The following RPL27 variants were observed in gnomAD, a reference collection of about 807,000 sequenced individuals.
RPL27 encodes large ribosomal subunit protein eL27.
For synonymous variants in RPL27, 77 were observed against 61.0 expected (o/e 1.26, Z -1.22); for missense variants, 131 against 174.3 (o/e 0.75, Z 1.40).
intron 3 of RPL27, among the ~76,000 whole-genome samples, chr17:43,000,705 A>G (rs1293261930): frequency 6.7e-6 from 1 of 148,816 alleles, no homozygotes; most frequent in Non-Finnish European, 1.5e-5. Context: ...CAGCCTCCCA[A>G]AGTGCTGGGA....
chr17:42,998,644 A>C, intron 1 of RPL27, 105 bp from the exon 2 acceptor site: 1 of 845,716 alleles, frequency 1.2e-6, no homozygotes, highest in Middle Eastern at 3.7e-4. Context: ...CAGTGAACAC[A>C]GTCTGAAGTT....
At chr17:43,001,573 A>G (rs1305318857) in intron 3 of RPL27, among the ~76,000 whole-genome samples, 1 of 151,520 alleles carries the variant, frequency 6.6e-6, no homozygotes, top group South Asian at 2.1e-4. Context: ...GTGAGCTGAG[A>G]TGGCACCACT....
Position 43,002,865 on chromosome 17 carries a change from C to T in RPL27, c.363-7C>T. ...CCTCATTGGTGTCCTCTTTTTTTCC[C>T]TTCTAGATACAAGACAGGCAAGAAC... On this transcript the variant is annotated splice_polypyrimidine_tract_variant and splice_region_variant and intron_variant, in intron 4 of 4. Coordinates refer to ENST00000253788, the MANE Select transcript of RPL27 (RefSeq NM_000988.5). 9 of 1,613,426 alleles carry T rather than the reference C, an allele frequency of 5.6e-6. No homozygotes were observed. Among genetic ancestry groups the T allele is most frequent in the Non-Finnish European group, 7.6e-6 (9 of 1,179,490 alleles).
In RPL27 at chr17:42,999,173, T is replaced by TTTTC. The variant is rs1567737423; in HGVS notation, c.81+345_81+346insCTTT. 4.1e-4 allele frequency: 73 copies of TTTTC among 180,214 alleles called. 1 individual carries two copies. The highest frequency in any genetic ancestry group is 3.7e-4 in the East Asian group (2 of 5,366). The allele number at this position is 180,214 out of a possible 1,614,324, so 11.2% of individuals were successfully genotyped here. A position where few individuals can be genotyped will look rare whatever the true frequency, so the allele number is the denominator to read the frequency against. ...GATTCCTTTTCTTTTCTTTTCTTTT[T>TTTTC]TTTTTTTTTGAGACGGGATCTCTGT... On this transcript the variant is annotated intron_variant, in intron 2 of 4. Coordinates refer to ENST00000253788, the MANE Select transcript of RPL27 (RefSeq NM_000988.5).
At chr17:43,000,226 A>G in intron 3 of RPL27, 124 bp downstream of exon 3, 2 of 746,804 alleles carry the variant, frequency 2.7e-6, no homozygotes, top group Non-Finnish European at 4.5e-6. Context: ...TCTTCAACTC[A>G]TAAAGTGGCT....
chr17:43,000,363 C>T (rs900005444), intron 3 of RPL27, among the ~76,000 whole-genome samples: 1 of 152,168 alleles, frequency 6.6e-6, no homozygotes, highest in Non-Finnish European at 1.5e-5. Flanking sequence ...AGGATAAATA[C>T]AATAGGTTTC....
chr17:43,002,641 G>T (rs2050377216), intron 3 of RPL27, 32 bp from the exon 4 acceptor site: 1 of 1,385,864 alleles, frequency 7.2e-7, no homozygotes, highest in Admixed American at 1.7e-5. Context: ...GCAGTATGTG[G>T]GCTAATCCTG....
intron 2 of RPL27, 164 bp from the exon 3 acceptor site, chr17:42,999,769 T>C: frequency 1.7e-6 from 1 of 597,142 alleles, no homozygotes; most frequent in East Asian, 2.8e-5. Flanking sequence ...AACACTGTTC[T>C]GTTTCTCTTT....
chr17:43,000,128 A>G, intron 3 of RPL27, 26 bp downstream of exon 3: 1 of 1,567,744 alleles, frequency 6.4e-7, no homozygotes, highest in Non-Finnish European at 8.8e-7. Flanking sequence ...ACTAGAATTT[A>G]AATTTCTTCT....
In RPL27 at chr17:43,000,081, A is replaced by G. The variant is rs761243752; in HGVS notation, c.230A>G (p.Tyr77Cys). Residue 77 changes from tyrosine (Y) to cysteine (C), a missense_variant, in exon 3 of 5, where the codon TAC becomes TGC. Tyr to Cys is a radical substitution (Grantham distance 194, BLOSUM62 -2). Transcript: ENST00000253788. ...KIKSFVKVYN[Y>C]NHLMPTRYSV... Reference sequence around the variant, plus strand: ...AAATCTTTTGTGAAAGTGTATAACTACAATCACCTAATGCCCACAAGGTGA... The same window carrying G: ...AAATCTTTTGTGAAAGTGTATAACTGCAATCACCTAATGCCCACAAGGTGA... The G allele has an allele frequency of 6.2e-7, 1 of 1,612,812 alleles. No homozygotes were observed. The highest frequency in any genetic ancestry group is 8.5e-7 in the Non-Finnish European group (1 of 1,179,618).
Position 42,998,836 on chromosome 17 carries a change from C to T in RPL27, c.81+5C>T. Reference sequence around the variant, plus strand: ...CGCAAAGCTGTCATCGTGAAGGTATCAGCCTCGCGGGACTCTGCGTCCTTG... The same window carrying T: ...CGCAAAGCTGTCATCGTGAAGGTATTAGCCTCGCGGGACTCTGCGTCCTTG... On this transcript the variant is annotated splice_donor_5th_base_variant and intron_variant, in intron 2 of 4. Transcript: ENST00000253788. The T allele has an allele frequency of 6.2e-7, 1 of 1,612,808 alleles. No homozygotes were observed. Among genetic ancestry groups the T allele is most frequent in the Non-Finnish European group, 8.5e-7 (1 of 1,178,978 alleles).
intron 3 of RPL27, among the ~76,000 whole-genome samples, chr17:43,002,085 G>C (rs2050368982): frequency 6.6e-6 from 1 of 151,604 alleles, no homozygotes; most frequent in South Asian, 2.1e-4. Flanking sequence ...CAGCGAGACT[G>C]TGTCTCAAAA....
In RPL27 at chr17:42,998,729, T is replaced by G. The variant is rs1166196080; in HGVS notation, c.-2-20T>G. On this transcript the variant is annotated intron_variant, in intron 1 of 4. Coordinates refer to ENST00000253788, the MANE Select transcript of RPL27 (RefSeq NM_000988.5). ...GGCTTTACGGATTTTTAAGTGGCCC[T>G]TTCTCCTTGCTCTCTGCAGAAATGG... The G allele has an allele frequency of 6.2e-7, 1 of 1,604,086 alleles. No homozygotes were observed. Among genetic ancestry groups the G allele is most frequent in the Non-Finnish European group, 8.5e-7 (1 of 1,171,830 alleles).
At chr17:43,000,176 A>C in intron 3 of RPL27, 74 bp downstream of exon 3, 3 of 1,145,958 alleles carry the variant, frequency 2.6e-6, no homozygotes, top group Non-Finnish European at 3.9e-6. Flanking sequence ...CCTTGCAGCC[A>C]TTCCAACACC....
intron 2 of RPL27, 194 bp downstream of exon 2, chr17:42,999,025 C>A: frequency 1.8e-6 from 1 of 564,450 alleles, no homozygotes; most frequent in South Asian, 2.0e-5. Context: ...GCTCCCAACG[C>A]ATAAAGCCTT....
intron 2 of RPL27, 38 bp from the exon 3 acceptor site, chr17:42,999,894 GC>G (rs749599501): frequency 6.4e-7 from 1 of 1,571,642 alleles, no homozygotes; most frequent in South Asian, 1.1e-5. Context: ...GCCTAAATAG[GC>G]CCTCAGTGAA....
rs2050382138 is a variant in RPL27 at position 43,002,949 on chromosome 17, A to G, written c.*29A>G. On this transcript the variant is annotated 3_prime_UTR_variant, in exon 5 of 5. Transcript: ENST00000253788. ...CTTTGTTTTGATCATTAAAAATTAT[A>G]AAGAAAAAAAGCCTGTGTCTGCATG... is the stretch of plus-strand genomic sequence containing the variant. 1.3e-6 allele frequency: 2 copies of G among 1,553,188 alleles called. No homozygotes were observed. Among genetic ancestry groups the G allele is most frequent in the Non-Finnish European group, 1.8e-6 (2 of 1,126,236 alleles).
chr17:43,002,615 C>T (rs1273141590), intron 3 of RPL27, 58 bp from the exon 4 acceptor site: 1 of 942,714 alleles, frequency 1.1e-6, no homozygotes, highest in African/African-American at 1.6e-5. Flanking sequence ...AGGATTTGGG[C>T]TGTATAGGGG....
intron 3 of RPL27, among the ~76,000 whole-genome samples, chr17:43,000,382 T>C (rs903428852): frequency 1.3e-5 from 2 of 152,198 alleles, no homozygotes; most frequent in Non-Finnish European, 2.9e-5. Flanking sequence ...TCAAAAAGTC[T>C]GTGAGTGCGT....
Sources: gnomAD v4.1 joint callset for allele counts (sites outside exome capture counted in the v4.1 genomes callset) on GRCh38, gnomAD v4.1.1 for gene constraint, MANE v1.5 for transcripts, NCBI Gene and HGNC (gene_info 2026-07-23, HGNC 2026-07-21) for gene names.